Variants in GPC5 observed in about 807,000 individuals in gnomAD.
GPC5 encodes glypican 5.
A neutral mutation model predicts 53.9 loss-of-function variants in GPC5; 47 were observed. The ratio of observed to expected loss-of-function variants is 0.87; its 90% CI spans 0.69 to 1.11. GPC5 has a LOEUF of 1.11. Ranked by LOEUF, GPC5 falls within the 50% of genes most tolerant of loss-of-function variation. The pLI is 0.00. For synonymous variants in GPC5, 286 were observed against 263.3 expected (o/e 1.09, Z -0.84); for missense variants, 748 against 713.1 (o/e 1.05, Z -0.56).
intron 6 of GPC5, among the ~76,000 whole-genome samples, chr13:92,050,497 G>A (rs2041018864): frequency 6.6e-6 from 1 of 152,112 alleles, no homozygotes; most frequent in South Asian, 2.1e-4. Context: ...ATCTGAACAT[G>A]CAAAAAGATG....
intron 5 of GPC5, among the ~76,000 whole-genome samples, chr13:91,855,558 A>AT (rs1317654179): frequency 6.6e-6 from 1 of 151,660 alleles, no homozygotes; most frequent in African/African-American, 2.4e-5. Flanking sequence ...AAAATTGGCG[A>AT]TATTCTCTAA....
chr13:92,422,892 C>G (rs1434381524), intron 7 of GPC5, among the ~76,000 whole-genome samples: 1 of 152,260 alleles, frequency 6.6e-6, no homozygotes, highest in Non-Finnish European at 1.5e-5. Context: ...TCACCTACTT[C>G]TATTTTGAGA....
At chr13:91,601,107 A>G (rs1285871717) in intron 2 of GPC5, among the ~76,000 whole-genome samples, 1 of 152,206 alleles carries the variant, frequency 6.6e-6, no homozygotes, top group Non-Finnish European at 1.5e-5. Context: ...CATCTTCAAG[A>G]TTTATTTTAA....
intron 5 of GPC5, among the ~76,000 whole-genome samples, chr13:91,763,147 G>A (rs2037449714): frequency 6.6e-6 from 1 of 152,102 alleles, no homozygotes; most frequent in Non-Finnish European, 1.5e-5. Context: ...TTTGGACTTG[G>A]TGATAACGCT....
intron 7 of GPC5, among the ~76,000 whole-genome samples, chr13:92,632,239 T>C (rs1258767845): frequency 6.6e-6 from 1 of 152,146 alleles, no homozygotes; most frequent in Non-Finnish European, 1.5e-5. Flanking sequence ...AATGACTGAA[T>C]TCTAATTATA....
chr13:91,707,675 GA>G (rs2036136834), intron 3 of GPC5, among the ~76,000 whole-genome samples: 1 of 152,090 alleles, frequency 6.6e-6, no homozygotes, highest in Non-Finnish European at 1.5e-5. Flanking sequence ...TGAGGCTGTG[GA>G]AAAAACTGAG....
chr13:91,564,304 A>G (rs1054465264), intron 2 of GPC5, among the ~76,000 whole-genome samples: 1 of 152,216 alleles, frequency 6.6e-6, no homozygotes, highest in African/African-American at 2.4e-5. Flanking sequence ...CTGGTGGATC[A>G]TGTCCCACTG....
chr13:91,934,148 C>A (rs1234215163), intron 6 of GPC5, among the ~76,000 whole-genome samples: 1 of 151,760 alleles, frequency 6.6e-6, no homozygotes, highest in African/African-American at 2.4e-5. Flanking sequence ...AACTTCATAG[C>A]CTATGTCAGT....
At chr13:92,120,601 T>A (rs2041641284) in intron 6 of GPC5, among the ~76,000 whole-genome samples, 1 of 152,228 alleles carries the variant, frequency 6.6e-6, no homozygotes, top group African/African-American at 2.4e-5. Flanking sequence ...TGTTAATCAC[T>A]TTTATGTACA....
chr13:92,323,851 A>G lies in GPC5; in HGVS notation c.1561+178862A>G, dbSNP rs553848415. On this transcript the variant is annotated intron_variant, in intron 7 of 7. Coordinates refer to ENST00000377067, the MANE Select transcript of GPC5 (RefSeq NM_004466.6). ...TAGATGATATATTAGGGTGTTGGAA[A>G]ACAGGAATCCATTAGTTATATCTAA... Among the ~76,000 whole-genome samples, 4 of 152,084 alleles carry G rather than the reference A, an allele frequency of 2.6e-5. No individual in the cohort carries two copies. The South Asian group carries it at 6.2e-4, about 24-fold the overall frequency.
chr13:92,376,172 A>G (rs186940025), intron 7 of GPC5, among the ~76,000 whole-genome samples: 2 of 152,328 alleles, frequency 1.3e-5, no homozygotes. Flanking sequence ...GGACACAGCC[A>G]TATAATTTCC....
chr13:92,197,294 A>G lies in GPC5; in HGVS notation c.1561+52305A>G, dbSNP rs561965833. 5.9e-4 allele frequency among the ~76,000 whole-genome samples: 90 copies of G among 152,356 alleles called. 1 individual carries two copies. In the South Asian group the frequency reaches 8.7e-3, roughly 15 times the overall value. On this transcript the variant is annotated intron_variant, in intron 7 of 7. Transcript: ENST00000377067. ...AGAGGGATATATGATAGATACAGAT[A>G]TAAATAATATTGACATAAATAAGTG...
At position 92,672,965 on chromosome 13, in the gene GPC5, C is replaced by T. The variant is rs998543145; in HGVS notation, c.1562-193317C>T. On this transcript the variant is annotated intron_variant, in intron 7 of 7. Transcript: ENST00000377067. ...CTTGATATCTGGATGATGAAATAAT[C>T]TGTACCACAAACCCCCATGACACAA... 5.9e-5 allele frequency among the ~76,000 whole-genome samples: 9 copies of T among 152,106 alleles called. 1 individual carries two copies. The highest frequency in any genetic ancestry group is 1.3e-4 in the Admixed American group (2 of 15,260).
intron 6 of GPC5, among the ~76,000 whole-genome samples, chr13:92,020,050 T>G (rs2040743887): frequency 6.6e-6 from 1 of 152,230 alleles, no homozygotes; most frequent in Admixed American, 6.5e-5. Context: ...CTTTTCCATC[T>G]TCTAGAGACC....
At chr13:91,402,139 A>G (rs1407553894) in intron 1 of GPC5, among the ~76,000 whole-genome samples, 3 of 152,186 alleles carry the variant, frequency 2.0e-5, no homozygotes, top group Non-Finnish European at 4.4e-5. Flanking sequence ...AGGGTAGTTC[A>G]GAAAGGGGAA....
chr13:92,486,907 G>A (rs1268122336), intron 7 of GPC5, among the ~76,000 whole-genome samples: 2 of 151,762 alleles, frequency 1.3e-5, no homozygotes, highest in Non-Finnish European at 2.9e-5. Context: ...CTAGGCTGGA[G>A]TGCAGAGGCG....
intron 5 of GPC5, among the ~76,000 whole-genome samples, chr13:91,775,375 C>A (rs188927268): frequency 1.2e-4 from 19 of 152,262 alleles, no homozygotes; most frequent in Admixed American, 9.2e-4. Context: ...TTTCCCCCCT[C>A]TGGGTTTTTA....
At chr13:91,431,369 TG>T (rs1879432314) in intron 1 of GPC5, among the ~76,000 whole-genome samples, 1 of 152,236 alleles carries the variant, frequency 6.6e-6, no homozygotes, top group Admixed American at 6.5e-5. Flanking sequence ...TAGATCTTTC[TG>T]TATAATGTGT....
At chr13:91,803,373 T>C (rs576998689) in intron 5 of GPC5, among the ~76,000 whole-genome samples, 2 of 152,320 alleles carry the variant, frequency 1.3e-5, no homozygotes, top group African/African-American at 4.8e-5. Flanking sequence ...AGAGGAGTTA[T>C]ATCACTCATA....
Sources: gnomAD v4.1 joint callset for allele counts (sites outside exome capture counted in the v4.1 genomes callset) on GRCh38, gnomAD v4.1.1 for gene constraint, MANE v1.5 for transcripts, NCBI Gene and HGNC (gene_info 2026-07-23, HGNC 2026-07-21) for gene names.